KDM3B: variants seen among roughly 807,000 people sequenced by gnomAD.
The protein encoded by KDM3B is lysine-specific demethylase 3B.
Under a neutral mutation model 170.0 loss-of-function variants are expected in KDM3B, and 10 were observed. The observed-to-expected ratio is 0.06, with a 90% CI of 0.04 to 0.10. The LOEUF is 0.10. Ranked by LOEUF, KDM3B falls within the 10% of genes least tolerant of loss-of-function variation. The probability of loss-of-function intolerance (pLI) is 1.00; values close to 1 mark genes in which losing one functional copy is unlikely to be tolerated. For synonymous variants in KDM3B, 831 were observed against 834.8 expected, an observed-to-expected ratio of 1.00 and a Z score of 0.08; for missense variants, 1,394 against 2,195.2, an observed-to-expected ratio of 0.64 and a Z score of 7.29.
intron 5 of KDM3B, 106 bp from the exon 6 acceptor site, chr5:138,381,410 A>C: frequency 5.6e-6 from 4 of 709,396 alleles, no homozygotes; most frequent in Non-Finnish European, 7.4e-6. Context: ...CTTTCATTCT[A>C]GTAGGTGAGT....
chr5:138,360,781 A>G (rs1043905536), intron 1 of KDM3B, among the ~76,000 whole-genome samples: 2 of 151,980 alleles, frequency 1.3e-5, no homozygotes, highest in African/African-American at 4.8e-5. Context: ...TAATAGAGAC[A>G]GGGTTTTACC....
Position 138,393,212 on chromosome 5 carries a change from C to T in KDM3B, c.2671C>T (p.Leu891=), listed in dbSNP as rs1762476526. 5 of 1,614,194 alleles carry T rather than the reference C, an allele frequency of 3.1e-6. No homozygotes were observed. Among genetic ancestry groups the T allele is most frequent in the Non-Finnish European group, 3.4e-6 (4 of 1,180,042 alleles). ...VLKDVSKVKK[L]KQSGEPFLQD... ...GAAAGATGTAAGCAAAGTGAAGAAG[C>T]TGAAGCAATCTGGAGAGCCCTTCCT... The change falls in exon 9 of 24, where the codon CTG becomes TTG. Residue 891 remains leucine (L), a synonymous_variant. Transcript: ENST00000314358.
intron 13 of KDM3B, 140 bp downstream of exon 13, chr5:138,417,750 G>T: frequency 1.2e-6 from 1 of 817,488 alleles, no homozygotes; most frequent in East Asian, 2.5e-5. Context: ...TCTAGAGAGA[G>T]CTTAAATAAC....
At chr5:138,374,676 A>G (rs1305125556) in intron 2 of KDM3B, among the ~76,000 whole-genome samples, 1 of 152,240 alleles carries the variant, frequency 6.6e-6, no homozygotes, top group African/African-American at 2.4e-5. Context: ...AAATGGTAAT[A>G]TGAATTAACC....
intron 7 of KDM3B, among the ~76,000 whole-genome samples, chr5:138,388,196 A>G (rs887709523): frequency 1.3e-5 from 2 of 152,178 alleles, no homozygotes; most frequent in African/African-American, 4.8e-5. Flanking sequence ...GAATGCTGCT[A>G]CTCTTAGAGT....
rs1292026004 is a variant in KDM3B at position 138,380,322 on chromosome 5, A to T, written c.705+614A>T. On this transcript the variant is annotated intron_variant, in intron 5 of 23. Transcript: ENST00000314358. Reference sequence around the variant, plus strand: ...TATATTATATTTATTTATATGATATATATGAGTTATATGATATATAATTTA... The same window carrying T: ...TATATTATATTTATTTATATGATATTTATGAGTTATATGATATATAATTTA... Among the ~76,000 whole-genome samples, 3 of 148,788 alleles carry T rather than the reference A, an allele frequency of 2.0e-5. No individual in the cohort carries two copies. The East Asian group carries it at 5.8e-4, about 29-fold the overall frequency.
intron 10 of KDM3B, 48 bp downstream of exon 10, chr5:138,398,440 T>G: frequency 1.3e-6 from 2 of 1,531,936 alleles, no homozygotes; most frequent in Non-Finnish European, 1.8e-6. Flanking sequence ...GTGAAAAACT[T>G]TTATTTTCTT....
In KDM3B at chr5:138,365,591, C is replaced by G. The variant is rs550421726; in HGVS notation, c.193-7083C>G. Among the ~76,000 whole-genome samples the G allele has an allele frequency of 6.4e-4, 98 of 152,090 alleles. No individual in the cohort carries two copies. The South Asian group carries it at 0.012, about 18-fold the overall frequency. On this transcript the variant is annotated intron_variant, in intron 1 of 23. Coordinates refer to ENST00000314358, the MANE Select transcript of KDM3B (RefSeq NM_016604.4). ...ATTCTTATTGGCTTAGGTCTTTTAA[C>G]TGGGTTATTACTGCTTCATAATTGG...
At chr5:138,353,182 C>G (rs946585341) in intron 1 of KDM3B, among the ~76,000 whole-genome samples, 195 bp downstream of exon 1, 1 of 152,180 alleles carries the variant, frequency 6.6e-6, no homozygotes, top group Non-Finnish European at 1.5e-5. Context: ...GGTGTGCGCC[C>G]CGGTTTCCCC....
intron 11 of KDM3B, among the ~76,000 whole-genome samples, chr5:138,411,125 C>G (rs1384092469): frequency 6.6e-6 from 1 of 152,188 alleles, no homozygotes; most frequent in African/African-American, 2.4e-5. Context: ...TGTTCCTTGA[C>G]ACTTTTCGCT....
chr5:138,410,979 C>T (rs1004636124), intron 11 of KDM3B, among the ~76,000 whole-genome samples: 47 of 152,250 alleles, frequency 3.1e-4, no homozygotes, highest in African/African-American at 1.1e-3. Flanking sequence ...CACAGGGAGA[C>T]GGTTAGGCCT....
intron 7 of KDM3B, among the ~76,000 whole-genome samples, chr5:138,388,436 T>G (rs1020568798): frequency 1.3e-5 from 2 of 151,702 alleles, no homozygotes; most frequent in African/African-American, 4.8e-5. Flanking sequence ...ATCGAGACCA[T>G]CCTGGCTAAC....
chr5:138,358,412 C>T (rs2126904723), intron 1 of KDM3B, among the ~76,000 whole-genome samples: 1 of 144,470 alleles, frequency 6.9e-6, no homozygotes, highest in Middle Eastern at 4.0e-3. Context: ...TCAAGTGATT[C>T]TCCTGCCTCC....
chr5:138,394,291 T>A (rs1762500141), intron 9 of KDM3B, among the ~76,000 whole-genome samples: 1 of 152,168 alleles, frequency 6.6e-6, no homozygotes, highest in African/African-American at 2.4e-5. Context: ...GGAGGATCAC[T>A]TGAGCCCAGG....
At position 138,391,383 on chromosome 5, in the gene KDM3B, A is replaced by C. The variant is rs1231872945; in HGVS notation, c.1751A>C (p.Lys584Thr). Reference sequence around the variant, plus strand: ...GGAACAGACACTAAGCCAGGCTCTAAGGCTGGCAGCTCTGTGGACCGGAAA... The same window carrying C: ...GGAACAGACACTAAGCCAGGCTCTACGGCTGGCAGCTCTGTGGACCGGAAA... Reference protein sequence around the residue: ...VLGTDTKPGSKAGSSVDRKVP... With the variant: ...VLGTDTKPGSTAGSSVDRKVP... Residue 584 changes from lysine to threonine, a missense_variant, in exon 8 of 24, where the codon AAG becomes ACG. Transcript: ENST00000314358. The surrounding 1 kb of genome is among the most constrained non-coding windows in gnomAD (Gnocchi z 5.0). 1 of 1,613,990 alleles carries C rather than the reference A, an allele frequency of 6.2e-7. No individual in the cohort carries two copies. Among genetic ancestry groups the C allele is most frequent in the Non-Finnish European group, 8.5e-7 (1 of 1,179,916 alleles).
At chr5:138,372,651 A>G in intron 1 of KDM3B, 23 bp from the exon 2 acceptor site, 1 of 1,601,824 alleles carries the variant, frequency 6.2e-7, no homozygotes, top group Non-Finnish European at 8.5e-7. Context: ...TGTGACTTCC[A>G]AACTGCTTTT....
chr5:138,364,619 C>T (rs1761697420), intron 1 of KDM3B, among the ~76,000 whole-genome samples: 3 of 151,530 alleles, frequency 2.0e-5, no homozygotes, highest in African/African-American at 7.3e-5. Flanking sequence ...AGTTTTTACT[C>T]TGACCTGAGT....
chr5:138,358,454 C>T (rs1440441707), intron 1 of KDM3B, among the ~76,000 whole-genome samples: 3 of 151,256 alleles, frequency 2.0e-5, no homozygotes, highest in Admixed American at 6.6e-5. Context: ...AGGCGTGCAC[C>T]ACCACACCCA....
At chr5:138,428,124 G>A (rs773119963) in intron 20 of KDM3B, 38 bp downstream of exon 20, 1 of 1,601,260 alleles carries the variant, frequency 6.2e-7, no homozygotes, top group South Asian at 1.1e-5. Flanking sequence ...GGATGGTGAG[G>A]CTTTGTCTTG....
Sources: gnomAD v4.1 joint callset for allele counts (sites outside exome capture counted in the v4.1 genomes callset) on GRCh38, gnomAD v4.1.1 for gene constraint, Gnocchi (gnomAD v3.1) non-coding constraint, MANE v1.5 for transcripts, NCBI Gene and HGNC (gene_info 2026-07-23, HGNC 2026-07-21) for gene names.